Variants in SHANK2 observed in about 807,000 individuals in gnomAD.
The protein encoded by SHANK2 is SH3 and multiple ankyrin repeat domains 2, also known as SH3 and multiple ankyrin repeat domains protein 2.
Under a neutral mutation model 133.7 loss-of-function variants are expected in SHANK2, and 43 were observed. That is an observed-to-expected ratio of 0.32 (90% CI 0.25 to 0.41). SHANK2 has a LOEUF of 0.41. Among genes scored for constraint, SHANK2 ranks in the 10% least tolerant of loss-of-function variants. The pLI is 1.00. For synonymous variants in SHANK2, 1,017 were observed against 952.8 expected (o/e 1.07, Z -1.24); for missense variants, 1,994 against 2,235.8 (o/e 0.89, Z 2.18).
intron 9 of SHANK2, 73 bp downstream of exon 9, chr11:71,075,086 C>T: frequency 6.2e-6 from 1 of 161,926 alleles, no homozygotes. Flanking sequence ...CTGACGTAAG[C>T]CAATTTAAGG....
chr11:70,577,170 G>A (rs1253374288), intron 17 of SHANK2, among the ~76,000 whole-genome samples: 1 of 152,212 alleles, frequency 6.6e-6, no homozygotes, highest in African/African-American at 2.4e-5. Flanking sequence ...GACAGCCCCA[G>A]GAGGACTCGT....
At position 71,222,404 on chromosome 11, in the gene SHANK2, G is replaced by A. The variant is rs537421988; in HGVS notation, c.-13+2293C>T. Among the ~76,000 whole-genome samples, 4 of 152,258 alleles carry A rather than the reference G, an allele frequency of 2.6e-5. No individual in the cohort carries two copies. The South Asian group carries it at 6.2e-4, about 24-fold the overall frequency. ...CGCTCCCCATCACTTGTGAGCCAAC[G>A]GCAGCTCCCGAGTGACAAGCAAAGG... On this transcript the variant is annotated intron_variant, in intron 2 of 25. Coordinates refer to ENST00000601538, the MANE Select transcript of SHANK2 (RefSeq NM_012309.5).
At chr11:70,637,184 C>T (rs1398273296) in intron 17 of SHANK2, among the ~76,000 whole-genome samples, 1 of 152,140 alleles carries the variant, frequency 6.6e-6, no homozygotes, top group Non-Finnish European at 1.5e-5. Flanking sequence ...CACAGCACAG[C>T]CACAGCCTCC....
At chr11:70,836,932 G>A (rs1948827901) in intron 11 of SHANK2, among the ~76,000 whole-genome samples, 1 of 152,172 alleles carries the variant, frequency 6.6e-6, no homozygotes, top group Non-Finnish European at 1.5e-5. Context: ...ACCCCATGAT[G>A]GGACTGGTGT....
chr11:71,190,654 G>A (rs782309874), intron 2 of SHANK2, among the ~76,000 whole-genome samples: 13 of 152,218 alleles, frequency 8.5e-5, no homozygotes, highest in Non-Finnish European at 1.3e-4. Context: ...ATGTGCAGAA[G>A]TGTGTGACGT....
At chr11:71,172,704 A>G (rs1385444869) in intron 2 of SHANK2, among the ~76,000 whole-genome samples, 1 of 152,154 alleles carries the variant, frequency 6.6e-6, no homozygotes, top group Non-Finnish European at 1.5e-5. Context: ...TGAGAGGGGA[A>G]TAACTCTCAG....
intron 11 of SHANK2, among the ~76,000 whole-genome samples, chr11:70,874,003 A>G (rs1270074061): frequency 2.0e-5 from 3 of 152,206 alleles, no homozygotes; most frequent in Non-Finnish European, 4.4e-5. Flanking sequence ...ATTTTTGAAC[A>G]GACTAAAGAA....
At chr11:70,636,117 ACT>A (rs1482141126) in intron 17 of SHANK2, among the ~76,000 whole-genome samples, 1 of 152,052 alleles carries the variant, frequency 6.6e-6, no homozygotes, top group Non-Finnish European at 1.5e-5. Flanking sequence ...TTCCCTGACC[ACT>A]CTGTCGACAA....
chr11:70,610,958 G>C (rs1411406823), intron 17 of SHANK2, among the ~76,000 whole-genome samples: 1 of 152,198 alleles, frequency 6.6e-6, no homozygotes, highest in African/African-American at 2.4e-5. Context: ...ATGGGGCACG[G>C]TGATCAGAAG....
chr11:70,818,580 G>T (rs1590718933), intron 12 of SHANK2, among the ~76,000 whole-genome samples: 1 of 152,280 alleles, frequency 6.6e-6, no homozygotes, highest in South Asian at 2.1e-4. Context: ...AAGTGGAATT[G>T]GCTGCCTCGG....
chr11:70,510,647 C>A (rs563967603), intron 17 of SHANK2, among the ~76,000 whole-genome samples: 2 of 152,302 alleles, frequency 1.3e-5, no homozygotes, highest in African/African-American at 2.4e-5. Context: ...GGGAACCTGT[C>A]TGCAGGAAGA....
intron 14 of SHANK2, among the ~76,000 whole-genome samples, chr11:70,755,517 G>T (rs1946848768): frequency 6.6e-6 from 1 of 152,222 alleles, no homozygotes; most frequent in African/African-American, 2.4e-5. Context: ...TGGGCACCCG[G>T]GCAGAGCCAG....
chr11:71,180,054 C>T (rs1953525829), intron 2 of SHANK2, among the ~76,000 whole-genome samples: 1 of 152,228 alleles, frequency 6.6e-6, no homozygotes, highest in Non-Finnish European at 1.5e-5. Flanking sequence ...GAGCTGACAA[C>T]CAGTGTTCAC....
intron 14 of SHANK2, among the ~76,000 whole-genome samples, chr11:70,709,349 G>A (rs1415285703): frequency 6.6e-6 from 1 of 152,244 alleles, no homozygotes; most frequent in Non-Finnish European, 1.5e-5. Flanking sequence ...CAGGAGCCTG[G>A]GCAGGTTATT....
chr11:70,683,870 G>A (rs537790327), intron 15 of SHANK2, among the ~76,000 whole-genome samples: 14 of 151,468 alleles, frequency 9.2e-5, no homozygotes, highest in Admixed American at 5.3e-4. Flanking sequence ...TGCAAACTCC[G>A]CCTCCTGGGT....
At chr11:70,843,436 G>T (rs532589800) in intron 11 of SHANK2, among the ~76,000 whole-genome samples, 1 of 151,944 alleles carries the variant, frequency 6.6e-6, no homozygotes, top group Non-Finnish European at 1.5e-5. Context: ...GCTGAAATTC[G>T]TATTGTGAGG....
chr11:70,821,765 G>A (rs568149165), intron 11 of SHANK2, among the ~76,000 whole-genome samples: 3 of 152,274 alleles, frequency 2.0e-5, no homozygotes, highest in East Asian at 3.9e-4. Context: ...GCTCTGCCAC[G>A]CCTGAGCCAA....
intron 14 of SHANK2, among the ~76,000 whole-genome samples, chr11:70,729,121 T>C (rs368487819): frequency 2.6e-5 from 4 of 151,596 alleles, no homozygotes; most frequent in East Asian, 1.9e-4. Context: ...GGAGAATCAC[T>C]TGGACCCAGG....
intron 17 of SHANK2, among the ~76,000 whole-genome samples, chr11:70,506,651 T>G (rs2059141127): frequency 6.6e-6 from 1 of 152,212 alleles, no homozygotes; most frequent in Non-Finnish European, 1.5e-5. Context: ...CGAGCTTCCC[T>G]GCAGTCCCAG....
Sources: gnomAD v4.1 joint callset for allele counts (sites outside exome capture counted in the v4.1 genomes callset) on GRCh38, gnomAD v4.1.1 for gene constraint, MANE v1.5 for transcripts, NCBI Gene and HGNC (gene_info 2026-07-23, HGNC 2026-07-21) for gene names.